Variants in GAS2 observed in about 807,000 individuals in gnomAD.
GAS2 encodes the protein growth arrest specific 2.
Under a neutral mutation model 37.5 loss-of-function variants are expected in GAS2, and 20 were observed. That is an observed-to-expected ratio of 0.53 (90% confidence interval 0.37 to 0.77). The LOEUF is 0.77. GAS2 is among the 30% of genes least tolerant of loss of function. GAS2 has a pLI of 0.00. For synonymous variants in GAS2, 144 were observed against 132.2 expected (o/e 1.09, Z -0.61); for missense variants, 336 against 373.4 (o/e 0.90, Z 0.82).
chr11:22,684,620 A>G (rs1849851214), intron 2 of GAS2, among the ~76,000 whole-genome samples: 1 of 152,252 alleles, frequency 6.6e-6, no homozygotes, highest in South Asian at 2.1e-4. Context: ...AAAGCAGTGC[A>G]GTGGCACGAT....
At chr11:22,737,854 A>G in intron 5 of GAS2, 86 bp downstream of exon 5, 1 of 1,180,114 alleles carries the variant, frequency 8.5e-7, no homozygotes, top group Non-Finnish European at 1.3e-6. Flanking sequence ...TTCATTGCTA[A>G]TGTTTAACCT....
At chr11:22,781,541 C>T (rs1855555819) in intron 7 of GAS2, among the ~76,000 whole-genome samples, 1 of 152,128 alleles carries the variant, frequency 6.6e-6, no homozygotes, top group South Asian at 2.1e-4. Flanking sequence ...GTTCAGTGCT[C>T]ATGATCTCTT....
At chr11:22,712,408 A>G (rs1468321066) in intron 3 of GAS2, among the ~76,000 whole-genome samples, 2 of 152,164 alleles carry the variant, frequency 1.3e-5, no homozygotes, top group Non-Finnish European at 2.9e-5. Context: ...ACCAGCCTAG[A>G]GCCCAGTTGC....
chr11:22,670,551 G>A (rs973719910), intron 1 of GAS2, among the ~76,000 whole-genome samples: 3 of 151,986 alleles, frequency 2.0e-5, no homozygotes, highest in Admixed American at 6.6e-5. Context: ...ATTGCTTTCC[G>A]TTTTGGGATA....
intron 3 of GAS2, among the ~76,000 whole-genome samples, chr11:22,719,669 A>G (rs999820822): frequency 2.0e-5 from 3 of 152,008 alleles, no homozygotes; most frequent in East Asian, 3.9e-4. Flanking sequence ...TACTGTCTTC[A>G]TGGTTTGCCT....
intron 1 of GAS2, among the ~76,000 whole-genome samples, chr11:22,672,249 G>T (rs925133724): frequency 6.6e-6 from 1 of 152,022 alleles, no homozygotes; most frequent in South Asian, 2.1e-4. Flanking sequence ...AATAAAAATT[G>T]CTTAATTATT....
intron 3 of GAS2, among the ~76,000 whole-genome samples, chr11:22,698,980 G>A (rs1850687151): frequency 6.6e-6 from 1 of 151,984 alleles, no homozygotes; most frequent in Non-Finnish European, 1.5e-5. Context: ...CTTATTTTGT[G>A]TTTATAATTC....
chr11:22,645,039 G>A (rs1293369594), intron 1 of GAS2, among the ~76,000 whole-genome samples: 2 of 152,168 alleles, frequency 1.3e-5, no homozygotes, highest in Admixed American at 6.5e-5. Context: ...ACACAACGGA[G>A]CAATATCATT....
intron 1 of GAS2, among the ~76,000 whole-genome samples, chr11:22,659,929 G>A (rs1305663695): frequency 6.6e-6 from 1 of 150,392 alleles, no homozygotes; most frequent in Non-Finnish European, 1.5e-5. Context: ...AGGGAGGGAG[G>A]GAAGAAGGAG....
chr11:22,768,886 A>C (rs1257744866), intron 7 of GAS2, among the ~76,000 whole-genome samples: 8 of 152,218 alleles, frequency 5.3e-5, no homozygotes, highest in Admixed American at 5.2e-4. Flanking sequence ...ATTAGGCATA[A>C]GGTCTCTAAG....
intron 7 of GAS2, among the ~76,000 whole-genome samples, chr11:22,807,538 G>GA (rs1406427323): frequency 2.0e-5 from 3 of 152,160 alleles, no homozygotes; most frequent in Non-Finnish European, 4.4e-5. Context: ...CGCCTTTGGA[G>GA]AAAAACACCT....
intron 7 of GAS2, among the ~76,000 whole-genome samples, chr11:22,756,803 G>A (rs977365066): frequency 1.3e-5 from 2 of 152,112 alleles, no homozygotes; most frequent in Non-Finnish European, 2.9e-5. Flanking sequence ...AGCAGCAAAA[G>A]GATATAACAA....
intron 7 of GAS2, among the ~76,000 whole-genome samples, chr11:22,796,613 C>G (rs1258934006): frequency 6.6e-6 from 1 of 151,994 alleles, no homozygotes; most frequent in Non-Finnish European, 1.5e-5. Context: ...TGTCAATATA[C>G]TAAAGATACA....
chr11:22,715,478 A>AG (rs1370578433), intron 3 of GAS2, among the ~76,000 whole-genome samples: 3 of 149,432 alleles, frequency 2.0e-5, no homozygotes, highest in African/African-American at 7.3e-5. Context: ...AAAAAAAAAA[A>AG]AAAAAGAAAA....
chr11:22,810,582 T>G (rs1590156849), intron 7 of GAS2, among the ~76,000 whole-genome samples: 1 of 152,326 alleles, frequency 6.6e-6, no homozygotes, highest in African/African-American at 2.4e-5. Context: ...ATCAAATAGC[T>G]TTAATTACTA....
At chr11:22,774,145 C>T (rs1179217976) in intron 7 of GAS2, among the ~76,000 whole-genome samples, 9 of 152,136 alleles carry the variant, frequency 5.9e-5, no homozygotes, top group Non-Finnish European at 1.3e-4. Flanking sequence ...AGGAGCATGC[C>T]ACCACACCCG....
intron 3 of GAS2, among the ~76,000 whole-genome samples, chr11:22,700,530 T>G (rs1850782069): frequency 6.6e-6 from 1 of 152,164 alleles, no homozygotes; most frequent in Admixed American, 6.6e-5. Flanking sequence ...AGAGATTGGC[T>G]GAAGTAACAG....
intron 7 of GAS2, among the ~76,000 whole-genome samples, chr11:22,791,237 G>C (rs1856145195): frequency 6.6e-6 from 1 of 152,154 alleles, no homozygotes; most frequent in Admixed American, 6.5e-5. Flanking sequence ...TCTAGAAAAG[G>C]TGTAGAGGGG....
rs553579056 is a variant in GAS2 at position 22,791,016 on chromosome 11, A to T, written c.724-20782A>T. On this transcript the variant is annotated intron_variant, in intron 7 of 7. Coordinates refer to ENST00000454584, the MANE Select transcript of GAS2 (RefSeq NM_001143830.3). ...AGATAACAAAACCACAAAGGTGAAG[A>T]AATTCTAGCAAAAATAGCTGCTATC... 4.0e-4 allele frequency among the ~76,000 whole-genome samples: 61 copies of T among 152,336 alleles called. No individual in the cohort carries two copies. The South Asian group carries it at 0.012, about 31-fold the overall frequency.
Sources: gnomAD v4.1 joint callset for allele counts (sites outside exome capture counted in the v4.1 genomes callset) on GRCh38, gnomAD v4.1.1 for gene constraint, MANE v1.5 for transcripts, NCBI Gene and HGNC (gene_info 2026-07-23, HGNC 2026-07-21) for gene names.